PCDHGA1: variants seen among roughly 807,000 people sequenced by gnomAD.
PCDHGA1 encodes the protein protocadherin gamma subfamily A, 1.
PCDHGA1 carries 32 observed loss-of-function variants against 58.0 expected under a neutral mutation model. The observed-to-expected ratio is 0.55, with a 90% confidence interval of 0.42 to 0.74. The LOEUF is 0.74. Ranked by LOEUF, PCDHGA1 falls within the 30% of genes least tolerant of loss-of-function variation. PCDHGA1 has a pLI of 0.00. For missense variants in PCDHGA1, 1,205 were observed against 1,182.3 expected (o/e 1.02, Z -0.28); for synonymous variants, 498 against 501.1 (o/e 0.99, Z 0.08).
At chr5:141,361,974 G>T (rs775025074) in intron 1 of PCDHGA1, 1 of 1,601,816 alleles carries the variant, frequency 6.2e-7, no homozygotes, top group Non-Finnish European at 8.5e-7. Flanking sequence ...AGGCCAGCGA[G>T]CCCGGGCTCT....
Position 141,431,818 on chromosome 5 carries a change from C to T in PCDHGA1, c.2422-62989C>T, listed in dbSNP as rs201311339. On this transcript the variant is annotated intron_variant, in intron 1 of 3. Coordinates refer to ENST00000517417, the MANE Select transcript of PCDHGA1 (RefSeq NM_018912.3). This position sits in a 1 kb window ranked among gnomAD's most constrained non-coding sequence, Gnocchi z 4.8. ...CAGAAGTGGTCCTCACCTCTCTCGCCAGCTCGGTTCCCGAAAACTCTCCCA... is the reference window on the plus strand; with the variant it reads ...CAGAAGTGGTCCTCACCTCTCTCGCTAGCTCGGTTCCCGAAAACTCTCCCA... 130 of 1,614,122 alleles carry T rather than the reference C, an allele frequency of 8.1e-5. No homozygotes were observed. Among genetic ancestry groups the T allele is most frequent in the Non-Finnish European group, 1.0e-4 (121 of 1,180,040 alleles).
In PCDHGA1 at chr5:141,494,850, G is replaced by C. The variant is rs2099757124; in HGVS notation, c.2465G>C (p.Arg822Thr). 1.2e-6 allele frequency: 2 copies of C among 1,614,124 alleles called. No individual in the cohort carries two copies. The highest frequency in any genetic ancestry group is 1.7e-6 in the Non-Finnish European group (2 of 1,180,018). Reference protein sequence around the residue: ...NTDWRFSQAQRPGTSGSQNGD... With the variant: ...NTDWRFSQAQTPGTSGSQNGD... ...GACTGGCGTTTCTCTCAGGCCCAGA[G>C]ACCCGGCACCAGCGGGTAGGTGACT... is the stretch of plus-strand genomic sequence containing the variant. The change falls in exon 2 of 4, where the codon AGA becomes ACA. Residue 822 changes from arginine to threonine, a missense_variant. Physicochemically the swap from Arg to Thr is moderately conservative, Grantham distance 71. Transcript: ENST00000517417.
intron 1 of PCDHGA1, chr5:141,422,231 T>A: frequency 3.2e-6 from 5 of 1,566,292 alleles, no homozygotes; most frequent in Non-Finnish European, 4.3e-6. Context: ...ACGACGATGT[T>A]GATCACTGTT....
At chr5:141,414,356 T>C in intron 1 of PCDHGA1, 1 of 1,613,950 alleles carries the variant, frequency 6.2e-7, no homozygotes, top group Non-Finnish European at 8.5e-7. Flanking sequence ...TTGGCGTATC[T>C]ACCATTTAAA....
chr5:141,400,023 C>A (rs755667675), intron 1 of PCDHGA1: 38 of 1,612,754 alleles, frequency 2.4e-5, no homozygotes, highest in Non-Finnish European at 3.2e-5. Flanking sequence ...GCGACAGGGA[C>A]GCGGCCCGCC....
chr5:141,377,014 G>T (rs1457623527), intron 1 of PCDHGA1: 1 of 155,140 alleles, frequency 6.4e-6, no homozygotes, highest in African/African-American at 2.4e-5. Flanking sequence ...TGGTTGACAG[G>T]AAAATTCAAG....
chr5:141,512,702 C>T lies in PCDHGA1; in HGVS notation c.*1529C>T, dbSNP rs940927635. 2.0e-5 allele frequency: 3 copies of T among 152,828 alleles called. No homozygotes were observed. Among genetic ancestry groups the T allele is most frequent in the Non-Finnish European group, 2.9e-5 (2 of 68,560 alleles). The allele number at this position is 152,828 out of a possible 1,614,324, so 9.5% of individuals were successfully genotyped here. ...ATAGCCAGTAGTGTAGTGCGGTGTG[C>T]TTTTACGTGATGGCGGGTGGGCAGC... On this transcript the variant is annotated 3_prime_UTR_variant, in exon 4 of 4. Transcript: ENST00000517417.
intron 1 of PCDHGA1, among the ~76,000 whole-genome samples, chr5:141,381,823 CTTCTT>C (rs1323470445): frequency 1.5e-4 from 15 of 101,616 alleles, no homozygotes; most frequent in African/African-American, 5.6e-4. Context: ...TTTCTTTCTT[CTTCTT>C]TTTTTTTTTT....
intron 1 of PCDHGA1, among the ~76,000 whole-genome samples, chr5:141,470,014 A>G (rs1394478856): frequency 6.6e-6 from 1 of 152,200 alleles, no homozygotes; most frequent in Non-Finnish European, 1.5e-5. Flanking sequence ...CTGTAATCCC[A>G]GCTACTCGGG....
intron 1 of PCDHGA1, among the ~76,000 whole-genome samples, chr5:141,445,011 T>C (rs970882082): frequency 1.3e-5 from 2 of 152,196 alleles, no homozygotes; most frequent in Non-Finnish European, 2.9e-5. Flanking sequence ...AATTAGGTCT[T>C]TAATTTCTCT....
At position 141,331,649 on chromosome 5, in the gene PCDHGA1, AGGAT is replaced by A; in HGVS notation, c.968_971del (p.Asp323ValfsTer11). The A allele has an allele frequency of 6.2e-7, 1 of 1,614,142 alleles. No individual in the cohort carries two copies. Among genetic ancestry groups the A allele is most frequent in the Admixed American group, 1.7e-5 (1 of 60,020 alleles). ...ATGTATTCAATGGAAGTTCAAGCCC[AGGAT>A]GGTGCGGGGCTCATGGCTAAAGTTA... On this transcript the variant is annotated frameshift_variant, in exon 1 of 4. Coordinates refer to ENST00000517417, the MANE Select transcript of PCDHGA1 (RefSeq NM_018912.3). LOFTEE classifies it high-confidence loss of function.
intron 1 of PCDHGA1, chr5:141,423,869 T>A (rs1239422805): frequency 5.4e-6 from 7 of 1,285,484 alleles, no homozygotes; most frequent in Non-Finnish European, 6.9e-6. Flanking sequence ...TGAAAGTCAT[T>A]TTTCAATCTT....
chr5:141,374,534 C>G lies in PCDHGA1; in HGVS notation c.2421+41429C>G, dbSNP rs868822562. The G allele has an allele frequency of 3.7e-6, 6 of 1,613,096 alleles. No homozygotes were observed. Among genetic ancestry groups the G allele is most frequent in the Admixed American group, 3.3e-5 (2 of 60,024 alleles). On this transcript the variant is annotated intron_variant, in intron 1 of 3. Transcript: ENST00000517417. ...TCTCGAAAACGCAGCTCCATCCTCT[C>G]GTTTTCCACTAATGGAGGTCTATGA...
intron 1 of PCDHGA1, chr5:141,351,574 C>G: frequency 1.2e-6 from 2 of 1,614,058 alleles, no homozygotes; most frequent in Non-Finnish European, 1.7e-6. Context: ...CCCTGCACAT[C>G]TCCGACATCA....
At chr5:141,427,984 C>A (rs754620535) in intron 1 of PCDHGA1, 6 of 1,597,376 alleles carry the variant, frequency 3.8e-6, no homozygotes, top group Non-Finnish European at 4.3e-6. Flanking sequence ...GCGCTGGGGC[C>A]CGATGGCTCC....
chr5:141,423,241 G>A (rs1485226833), intron 1 of PCDHGA1: 19 of 1,613,954 alleles, frequency 1.2e-5, no homozygotes, highest in Non-Finnish European at 1.4e-5. Flanking sequence ...CATCCCCGAA[G>A]TCCTGGCGGA....
In PCDHGA1 at chr5:141,419,984, C is replaced by A. The variant is rs918632592; in HGVS notation, c.2422-74823C>A. ...TGTGCTCTTTCTCCTCGCGGTGATT[C>A]TAGCTATTGCTCTACGCCTGCGACA... On this transcript the variant is annotated intron_variant, in intron 1 of 3. Transcript: ENST00000517417. 27 of 1,613,962 alleles carry A rather than the reference C, an allele frequency of 1.7e-5. No individual in the cohort carries two copies. The highest frequency in any genetic ancestry group is 2.2e-5 in the Non-Finnish European group (26 of 1,179,912).
At chr5:141,344,043 T>C in intron 1 of PCDHGA1, 2 of 1,553,824 alleles carry the variant, frequency 1.3e-6, no homozygotes, top group Non-Finnish European at 1.7e-6. Context: ...AATGACCAAT[T>C]GCCTGAGTTT....
intron 1 of PCDHGA1, among the ~76,000 whole-genome samples, chr5:141,380,915 G>A (rs1452983675): frequency 6.6e-6 from 1 of 152,180 alleles, no homozygotes. Context: ...TGCTTACATT[G>A]TTTAATAATC....
Sources: allele counts gnomAD v4.1 joint callset (sites outside exome capture counted in the v4.1 genomes callset), GRCh38; gene constraint gnomAD v4.1.1; non-coding constraint Gnocchi (gnomAD v3.1); transcripts MANE v1.5; gene names NCBI Gene and HGNC (gene_info 2026-07-23, HGNC 2026-07-21).